AFTPH: variants seen among roughly 807,000 people sequenced by gnomAD.
AFTPH encodes the protein aftiphilin.
A neutral mutation model predicts 72.5 loss-of-function variants in AFTPH; 7 were observed. The observed-to-expected ratio is 0.10, with a 90% CI of 0.05 to 0.18. The LOEUF is 0.18. Among genes scored for constraint, AFTPH ranks in the 10% least tolerant of loss-of-function variants. The pLI is 1.00. For synonymous variants in AFTPH, 337 were observed against 370.1 expected, an observed-to-expected ratio of 0.91 and a Z score of 1.03; for missense variants, 979 against 1,060.5, an observed-to-expected ratio of 0.92 and a Z score of 1.07.
At chr2:64,578,593 C>T (rs1013196593) in intron 6 of AFTPH, among the ~76,000 whole-genome samples, 38 of 150,938 alleles carry the variant, frequency 2.5e-4, no homozygotes, top group Non-Finnish European at 4.1e-4. Flanking sequence ...CTCACTCTGT[C>T]GCCCAGGCTA....
intron 1 of AFTPH, among the ~76,000 whole-genome samples, chr2:64,537,107 T>C (rs7577640): frequency 0.12 from 17,656 of 147,904 alleles, 2,890 homozygotes; most frequent in African/African-American, 0.38. Flanking sequence ...TCCTTATTAA[T>C]AGACTGTTTT....
exon 2 of AFTPH, chr2:64,552,826 G>C: frequency 6.2e-7 from 1 of 1,614,148 alleles, no homozygotes; most frequent in Non-Finnish European, 8.5e-7. Flanking sequence ...TTTGTTACTG[G>C]TACTCAAGAT....
At chr2:64,555,422 G>T (rs760138824) in intron 2 of AFTPH, among the ~76,000 whole-genome samples, 1 of 152,004 alleles carries the variant, frequency 6.6e-6, no homozygotes. Flanking sequence ...TTAGCTGGGC[G>T]TGGTGACGTG....
intron 2 of AFTPH, among the ~76,000 whole-genome samples, chr2:64,556,934 G>A (rs1671413473): frequency 6.6e-6 from 1 of 152,208 alleles, no homozygotes; most frequent in Admixed American, 6.5e-5. Context: ...AAATTGTAGA[G>A]AAGGTAAGTA....
chr2:64,564,754 T>C (rs1239561449), intron 2 of AFTPH, among the ~76,000 whole-genome samples: 1 of 152,210 alleles, frequency 6.6e-6, no homozygotes, highest in Non-Finnish European at 1.5e-5. Context: ...AAATTTGGCC[T>C]TATTTATTAC....
At chr2:64,565,466 CTCTA>C (rs1426331019) in intron 2 of AFTPH, among the ~76,000 whole-genome samples, 1 of 125,860 alleles carries the variant, frequency 7.9e-6, no homozygotes, top group Non-Finnish European at 1.6e-5. Flanking sequence ...CAGAGCGAGA[CTCTA>C]TCTCAAAAAA....
intron 8 of AFTPH, among the ~76,000 whole-genome samples, chr2:64,591,369 T>C (rs1410483487): frequency 6.6e-6 from 1 of 152,230 alleles, no homozygotes; most frequent in East Asian, 1.9e-4. Context: ...AGACTGGGTC[T>C]TCTGAGCTGA....
chr2:64,549,355 CTG>C (rs1670888103), intron 1 of AFTPH, among the ~76,000 whole-genome samples: 1 of 110,134 alleles, frequency 9.1e-6, no homozygotes, highest in African/African-American at 3.4e-5. Context: ...GAGTCTCACT[CTG>C]TCACTCAGGC....
At chr2:64,559,819 C>T (rs1402480508) in intron 2 of AFTPH, among the ~76,000 whole-genome samples, 1 of 152,188 alleles carries the variant, frequency 6.6e-6, no homozygotes, top group African/African-American at 2.4e-5. Context: ...GTCCTCCCAC[C>T]TCAGCCTCTC....
chr2:64,592,193 T>C (rs1673870149), exon 9 of AFTPH: 1 of 607,816 alleles, frequency 1.6e-6, no homozygotes, highest in South Asian at 3.7e-5. Context: ...TAGTAATGTA[T>C]ATTTATTTAC....
chr2:64,549,116 G>T (rs759568333), intron 1 of AFTPH, among the ~76,000 whole-genome samples: 1 of 152,016 alleles, frequency 6.6e-6, no homozygotes, highest in Non-Finnish European at 1.5e-5. Flanking sequence ...TGGTTTCTAC[G>T]GTACCTTCAC....
At chr2:64,553,093 A>T (rs1234935782) in exon 2 of AFTPH, 1 of 1,614,216 alleles carries the variant, frequency 6.2e-7, no homozygotes, top group Non-Finnish European at 8.5e-7. Flanking sequence ...GGACATTTTG[A>T]TTCTGTGCCA....
At chr2:64,571,260 G>A (rs537059207) in intron 5 of AFTPH, among the ~76,000 whole-genome samples, 14 of 141,418 alleles carry the variant, frequency 9.9e-5, no homozygotes, top group Admixed American at 2.0e-4. Flanking sequence ...GTTGAGCACC[G>A]CCCCCCACCC....
chr2:64,581,349 C>G, intron 7 of AFTPH, 76 bp downstream of exon 8: 1 of 1,177,610 alleles, frequency 8.5e-7, no homozygotes, highest in Non-Finnish European at 1.2e-6. Flanking sequence ...TTCCTATAAA[C>G]AAGGAAACAA....
rs1176784837 is a variant in AFTPH at position 64,585,555 on chromosome 2, T to G, written c.2579+10T>G. The G allele has an allele frequency of 1.9e-6, 3 of 1,597,748 alleles. No homozygotes were observed. In the Admixed American group the frequency reaches 5.3e-5, roughly 28 times the overall value. ...CAAGCACATCTACCAGGTAAATAAA[T>G]AGTGTCAATTATACCCACATTTTGA... On this transcript the variant is annotated intron_variant, in intron 8 of 8. Transcript: ENST00000238856.
At chr2:64,579,410 A>ATT (rs566747917) in intron 6 of AFTPH, 76 bp from the exon 7 acceptor site, 1,399 of 985,178 alleles carry the variant, frequency 1.4e-3, no homozygotes, top group South Asian at 1.7e-3. Context: ...TCTTGCTATA[A>ATT]TTTTTTTTTT....
At chr2:64,573,559 T>TC (rs1450343937) in intron 6 of AFTPH, among the ~76,000 whole-genome samples, 1 of 152,236 alleles carries the variant, frequency 6.6e-6, no homozygotes. Flanking sequence ...GTTAGATATG[T>TC]CCATTGCCTT....
intron 2 of AFTPH, among the ~76,000 whole-genome samples, chr2:64,559,147 G>A (rs1218017063): frequency 6.6e-6 from 1 of 152,158 alleles, no homozygotes; most frequent in Non-Finnish European, 1.5e-5. Flanking sequence ...GGGGTCCTGT[G>A]TACACCTCTC....
At chr2:64,587,045 T>C (rs1048146871) in intron 8 of AFTPH, among the ~76,000 whole-genome samples, 3 of 152,216 alleles carry the variant, frequency 2.0e-5, no homozygotes, top group East Asian at 3.8e-4. Flanking sequence ...AAAATCCCAA[T>C]GATGAGAATT....
Sources: gnomAD v4.1 joint callset for allele counts (sites outside exome capture counted in the v4.1 genomes callset) on GRCh38, gnomAD v4.1.1 for gene constraint, MANE v1.5 for transcripts, NCBI Gene and HGNC (gene_info 2026-07-23, HGNC 2026-07-21) for gene names.